Variants in CCDC102B observed in about 807,000 individuals in gnomAD.
CCDC102B encodes the protein coiled-coil domain-containing protein 102B.
Under a neutral mutation model 57.4 loss-of-function variants are expected in CCDC102B, and 75 were observed. The ratio of observed to expected loss-of-function variants is 1.31; its 90% CI spans 1.08 to 1.58. CCDC102B has a LOEUF of 1.58. Ranked by LOEUF, CCDC102B falls within the 40% of genes most tolerant of loss-of-function variation. The pLI, the probability that CCDC102B is intolerant of heterozygous loss-of-function variation, is 0.00. For missense variants in CCDC102B, 636 were observed against 582.6 expected, an observed-to-expected ratio of 1.09 and a Z score of -0.94; for synonymous variants, 206 against 201.9, an observed-to-expected ratio of 1.02 and a Z score of -0.17.
chr18:68,916,668 T>A (rs1216636971), intron 6 of CCDC102B, among the ~76,000 whole-genome samples: 1 of 152,216 alleles, frequency 6.6e-6, no homozygotes, highest in Non-Finnish European at 1.5e-5. Context: ...ATGTGACAGC[T>A]GTCCTCATGA....
chr18:69,053,327 T>C lies in CCDC102B; in HGVS notation c.1435-703T>C, dbSNP rs914513896. ...AATATATATAAATATATTTCACATA[T>C]ATATATATATACACTTAGCATATGT... is the stretch of plus-strand genomic sequence containing the variant. On this transcript the variant is annotated intron_variant, in intron 7 of 7. Coordinates refer to ENST00000360242, the MANE Select transcript of CCDC102B (RefSeq NM_024781.3). Among the ~76,000 whole-genome samples the C allele has an allele frequency of 7.6e-4, 115 of 150,934 alleles. 1 individual carries two copies. Among genetic ancestry groups the C allele is most frequent in the African/African-American group, 2.6e-3 (109 of 41,318 alleles).
At chr18:68,901,232 T>C (rs1599659112) in intron 6 of CCDC102B, among the ~76,000 whole-genome samples, 2 of 152,280 alleles carry the variant, frequency 1.3e-5, no homozygotes, top group South Asian at 2.1e-4. Context: ...ATGGGGAGTG[T>C]TATTCTAGAC....
At chr18:68,927,581 A>G (rs2041517034) in intron 6 of CCDC102B, among the ~76,000 whole-genome samples, 2 of 151,980 alleles carry the variant, frequency 1.3e-5, no homozygotes, top group South Asian at 4.1e-4. Flanking sequence ...ACATTGATTG[A>G]TTTAAATTTC....
At chr18:68,962,029 A>G (rs962412316) in intron 6 of CCDC102B, among the ~76,000 whole-genome samples, 1 of 152,062 alleles carries the variant, frequency 6.6e-6, no homozygotes, top group African/African-American at 2.4e-5. Context: ...TTTTGCTAGT[A>G]TATCCTGAAG....
chr18:68,966,443 A>G (rs2000898), intron 6 of CCDC102B, among the ~76,000 whole-genome samples: 152,247 of 152,266 alleles, frequency 1, 76,114 homozygotes, highest in Non-Finnish European at 1. Flanking sequence ...TGTTTGAATC[A>G]GGAGTTAGGC....
At chr18:68,785,762 C>T (rs1222196223) in intron 2 of CCDC102B, among the ~76,000 whole-genome samples, 4 of 150,488 alleles carry the variant, frequency 2.7e-5, no homozygotes, top group Non-Finnish European at 5.9e-5. Flanking sequence ...CGAAAATTTT[C>T]TCCCATTCTG....
At chr18:68,715,630 A>G (rs1772017622) in intron 1 of CCDC102B, 1 of 152,248 alleles carries the variant, frequency 6.6e-6, no homozygotes, top group Non-Finnish European at 1.5e-5. Flanking sequence ...TGCCTCTTTA[A>G]AAACTTTCTC....
At chr18:68,876,752 G>T (rs2039465051) in intron 5 of CCDC102B, among the ~76,000 whole-genome samples, 1 of 152,100 alleles carries the variant, frequency 6.6e-6, no homozygotes, top group South Asian at 2.1e-4. Context: ...GGTTTATATT[G>T]ACAAAACTCA....
rs372511413 is a variant in CCDC102B at position 68,790,659 on chromosome 18, A to G, written c.-66-32707A>G. ...ACTCCCTGACCCCTTGCGCTTCCCA[A>G]GTGAGGCAATGCCTCGCCCTGCTTC... On this transcript the variant is annotated intron_variant, in intron 2 of 3. Coordinates refer to the CCDC102B transcript ENST00000578970. Among the ~76,000 whole-genome samples, 259 of 152,266 alleles carry G rather than the reference A, an allele frequency of 1.7e-3. 2 individuals carry two copies. The highest frequency in any genetic ancestry group is 5.0e-3 in the South Asian group (24 of 4,828).
intron 6 of CCDC102B, among the ~76,000 whole-genome samples, chr18:68,991,367 G>A (rs1228912372): frequency 1.3e-5 from 2 of 152,170 alleles, no homozygotes; most frequent in African/African-American, 2.4e-5. Context: ...GCAACAAAAA[G>A]CATTTTCCCT....
At chr18:68,985,440 A>G (rs1479099339) in intron 6 of CCDC102B, among the ~76,000 whole-genome samples, 1 of 152,152 alleles carries the variant, frequency 6.6e-6, no homozygotes, top group Non-Finnish European at 1.5e-5. Context: ...AATACTCTAG[A>G]TCTATGAACA....
intron 2 of CCDC102B, among the ~76,000 whole-genome samples, chr18:68,748,389 T>C (rs1219093762): frequency 1.3e-5 from 2 of 152,112 alleles, no homozygotes; most frequent in Admixed American, 1.3e-4. Context: ...GACCTGAATA[T>C]AAAATCTACA....
intron 6 of CCDC102B, among the ~76,000 whole-genome samples, chr18:68,936,780 C>CAT (rs954257108): frequency 6.7e-5 from 9 of 133,810 alleles, no homozygotes; most frequent in Admixed American, 1.6e-4. Flanking sequence ...TACATACATA[C>CAT]ATATATATAC....
intron 2 of CCDC102B, among the ~76,000 whole-genome samples, chr18:68,755,397 G>C (rs2034011496): frequency 6.6e-6 from 1 of 152,084 alleles, no homozygotes; most frequent in Non-Finnish European, 1.5e-5. Context: ...AGTTGTAATG[G>C]AAGAGAGAAC....
Position 69,017,405 on chromosome 18 carries a change from C to T in CCDC102B, c.1434+6301C>T, listed in dbSNP as rs543024634. Reference sequence around the variant, plus strand: ...CTTCCCAAAGTGCTGGGATTACAGGCGTGAACCATCTTGCCAGGCCAGTTT... The same window carrying T: ...CTTCCCAAAGTGCTGGGATTACAGGTGTGAACCATCTTGCCAGGCCAGTTT... On this transcript the variant is annotated intron_variant, in intron 7 of 7. Transcript: ENST00000360242. Among the ~76,000 whole-genome samples the T allele has an allele frequency of 5.3e-5, 8 of 152,162 alleles. No individual in the cohort carries two copies. The South Asian group carries it at 1.7e-3, about 32-fold the overall frequency.
At chr18:68,961,157 T>C (rs1160453382) in intron 6 of CCDC102B, among the ~76,000 whole-genome samples, 1 of 152,144 alleles carries the variant, frequency 6.6e-6, no homozygotes, top group Non-Finnish European at 1.5e-5. Flanking sequence ...CCCATGAATT[T>C]AAATTCTTAA....
intron 4 of CCDC102B, among the ~76,000 whole-genome samples, chr18:68,862,477 AT>A (rs1456303227): frequency 2.0e-5 from 3 of 152,112 alleles, no homozygotes; most frequent in Non-Finnish European, 4.4e-5. Flanking sequence ...TACTTTTCAT[AT>A]TTTTTATTTA....
At chr18:69,013,230 T>C (rs1414221438) in intron 7 of CCDC102B, among the ~76,000 whole-genome samples, 2 of 149,936 alleles carry the variant, frequency 1.3e-5, no homozygotes, top group Non-Finnish European at 2.9e-5. Flanking sequence ...TGCAACAACA[T>C]AGATGAAGCT....
At chr18:68,911,231 C>G (rs534019104) in intron 6 of CCDC102B, among the ~76,000 whole-genome samples, 273 of 152,258 alleles carry the variant, frequency 1.8e-3, no homozygotes, top group Admixed American at 4.8e-3. Context: ...ATGGTACATA[C>G]ACATCATGGA....
Sources: gnomAD v4.1 joint callset for allele counts (sites outside exome capture counted in the v4.1 genomes callset) on GRCh38, gnomAD v4.1.1 for gene constraint, MANE v1.5 for transcripts, NCBI Gene and HGNC (gene_info 2026-07-23, HGNC 2026-07-21) for gene names.